LRP5: variants seen among roughly 807,000 people sequenced by gnomAD.
LRP5 encodes low-density lipoprotein receptor-related protein 5.
A neutral mutation model predicts 154.1 loss-of-function variants in LRP5; 62 were observed. That is an observed-to-expected ratio of 0.40 (90% CI 0.33 to 0.50). The LOEUF (loss-of-function observed/expected upper bound fraction) is 0.50, where lower values mean the gene tolerates loss of function less well. Among genes scored for constraint, LRP5 ranks in the 20% least tolerant of loss-of-function variants. The pLI is 0.55. For missense variants in LRP5, 1,915 were observed against 2,336.7 expected (o/e 0.82, Z 3.72); for synonymous variants, 966 against 1,011.5 (o/e 0.96, Z 0.85).
At position 68,417,803 on chromosome 11, in the gene LRP5, C is replaced by T. The variant is rs190919446; in HGVS notation, c.3027+1276C>T. ...TACAAAAATCAGCTGGGTGTGGTGG[C>T]GGGTGCCTGTAATCCCAGCTACTCA... is the stretch of plus-strand genomic sequence containing the variant. On this transcript the variant is annotated intron_variant, in intron 13 of 22. Transcript: ENST00000294304. Among the ~76,000 whole-genome samples, 1,350 of 151,254 alleles carry T rather than the reference C, an allele frequency of 8.9e-3. 22 individuals are homozygous for T. The highest frequency in any genetic ancestry group is 0.031 in the African/African-American group (1,280 of 41,228).
At chr11:68,331,399 C>T (rs1305454637) in intron 1 of LRP5, among the ~76,000 whole-genome samples, 2 of 152,198 alleles carry the variant, frequency 1.3e-5, no homozygotes. Context: ...CCAGGCCCTG[C>T]CCGGGAGCAC....
intron 2 of LRP5, among the ~76,000 whole-genome samples, chr11:68,354,038 C>T (rs1452622823): frequency 2.6e-5 from 4 of 152,176 alleles, no homozygotes; most frequent in African/African-American, 4.8e-5. Flanking sequence ...GAGGAGTCCC[C>T]GGCCTGTACC....
intron 16 of LRP5, among the ~76,000 whole-genome samples, chr11:68,426,662 A>G (rs1031118105): frequency 5.3e-5 from 8 of 152,078 alleles, no homozygotes; most frequent in South Asian, 4.1e-4. Context: ...GGCACAAGCT[A>G]TCTGCCTGCT....
rs2153182129 is a variant in LRP5, at chr11:68,439,931, C to CGGGGA, written c.4488+20_4488+24dup. On this transcript the variant is annotated intron_variant, in intron 21 of 22. Transcript: ENST00000294304. ...TGTACCCGCCGGTGAGGGGCGGGGC[C>CGGGGA]GGGGAGGGGCGGGGCGGGATGGGGC... 4 of 405,918 alleles carry CGGGGA rather than the reference C, an allele frequency of 9.9e-6. No individual in the cohort carries two copies. The highest frequency in any genetic ancestry group is 1.9e-5 in the Non-Finnish European group (4 of 213,322). 25.1% of individuals were successfully genotyped at this position (405,918 alleles called of 1,614,324 possible).
At chr11:68,326,680 A>G (rs1218105857) in intron 1 of LRP5, among the ~76,000 whole-genome samples, 1 of 152,218 alleles carries the variant, frequency 6.6e-6, no homozygotes, top group African/African-American at 2.4e-5. Context: ...GTGGCTCCCC[A>G]TCGCCTCTGG....
intron 11 of LRP5, among the ~76,000 whole-genome samples, chr11:68,411,996 T>C (rs2098659857): frequency 6.6e-6 from 1 of 152,056 alleles, no homozygotes; most frequent in African/African-American, 2.4e-5. Flanking sequence ...GCTGGTGAGT[T>C]CAGGATCCCC....
intron 13 of LRP5, among the ~76,000 whole-genome samples, chr11:68,419,118 C>G (rs554515556): frequency 1.3e-5 from 2 of 152,272 alleles, no homozygotes; most frequent in African/African-American, 2.4e-5. Context: ...CCCTGCTCCC[C>G]CAAAAGATGG....
chr11:68,407,996 T>C (rs376898470), intron 9 of LRP5, among the ~76,000 whole-genome samples: 1 of 152,198 alleles, frequency 6.6e-6, no homozygotes, highest in South Asian at 2.1e-4. Flanking sequence ...ACAGAAAAAG[T>C]GTGCTGACCT....
intron 5 of LRP5, among the ~76,000 whole-genome samples, chr11:68,372,907 G>C (rs1041585889): frequency 6.6e-6 from 1 of 152,092 alleles, no homozygotes; most frequent in East Asian, 1.9e-4. Flanking sequence ...AAGGTCAGGA[G>C]GGGGGCAGGG....
chr11:68,333,753 A>G (rs1279589094), intron 1 of LRP5, among the ~76,000 whole-genome samples: 1 of 152,254 alleles, frequency 6.6e-6, no homozygotes, highest in Non-Finnish European at 1.5e-5. Context: ...CAAGGCCTGT[A>G]TGCAAAACAT....
At chr11:68,339,473 G>T (rs2098607632) in intron 1 of LRP5, among the ~76,000 whole-genome samples, 4 of 151,948 alleles carry the variant, frequency 2.6e-5, no homozygotes, top group Admixed American at 2.6e-4. Flanking sequence ...TCAGCCTCCG[G>T]AGTAGCTGGT....
intron 21 of LRP5, among the ~76,000 whole-genome samples, chr11:68,443,565 ATATATATATATATATATATAT>A (rs1441540933): frequency 2.8e-5 from 1 of 35,640 alleles, no homozygotes; most frequent in African/African-American, 1.4e-4. Context: ...ATATATATAT[ATATATATATATATATATATAT>A]TTTTTTTTTT....
Position 68,436,877 on chromosome 11 carries a change from C to G in LRP5, c.4001-12C>G, listed in dbSNP as rs1565114906. 2 of 1,606,604 alleles carry G rather than the reference C, an allele frequency of 1.2e-6. No individual in the cohort carries two copies. Among genetic ancestry groups the G allele is most frequent in the Non-Finnish European group, 1.7e-6 (2 of 1,173,618 alleles). The stretch of plus-strand genomic sequence containing the variant: ...CCTCCAGCCTCTCTGAGTGCATGGC[C>G]TCTCCTTGCAGCCATCTGCCTGCCC... On this transcript the variant is annotated splice_polypyrimidine_tract_variant and intron_variant, in intron 18 of 22. Coordinates refer to ENST00000294304, the MANE Select transcript of LRP5 (RefSeq NM_002335.4).
intron 2 of LRP5, among the ~76,000 whole-genome samples, chr11:68,352,732 CTTGG>C (rs1337456632): frequency 8.1e-6 from 1 of 123,480 alleles, no homozygotes; most frequent in African/African-American, 3.2e-5. Context: ...GTGCTTGGCA[CTTGG>C]TTGGGAGGTG....
At chr11:68,443,544 CATATATATAT>C (rs1157048489) in intron 21 of LRP5, among the ~76,000 whole-genome samples, 247 of 22,308 alleles carry the variant, frequency 0.011, 6 homozygotes, top group African/African-American at 0.017. Context: ...TCTTTTATGG[CATATATATAT>C]ATATATATAT....
At chr11:68,341,119 C>T (rs1020489513) in intron 1 of LRP5, among the ~76,000 whole-genome samples, 8 of 136,182 alleles carry the variant, frequency 5.9e-5, no homozygotes, top group African/African-American at 8.4e-5. Context: ...GTGACTCAGA[C>T]GTTTTCCTTC....
chr11:68,344,559 A>T (rs314757), intron 1 of LRP5, among the ~76,000 whole-genome samples: 1 of 151,912 alleles, frequency 6.6e-6, no homozygotes, highest in Non-Finnish European at 1.5e-5. Flanking sequence ...GCCTTAAGTG[A>T]TCTGCCCGCC....
In LRP5 at chr11:68,413,900, CTGTA is replaced by C. The variant is rs1244761864; in HGVS notation, c.2718_2721del (p.Met907ThrfsTer52). On this transcript the variant is annotated frameshift_variant, in exon 12 of 23. Coordinates refer to ENST00000294304, the MANE Select transcript of LRP5 (RefSeq NM_002335.4). LOFTEE classifies it high-confidence loss of function. This position sits in a 1 kb window ranked among gnomAD's most constrained non-coding sequence, Gnocchi z 5.1. ...CCTCCCGCCAGGATGGCCTCAATGA[CTGTA>C]TGCACAACAACGGGCAGTGTGGGCA... 1.9e-6 allele frequency: 3 copies of C among 1,612,846 alleles called. No homozygotes were observed. Among genetic ancestry groups the C allele is most frequent in the Non-Finnish European group, 2.5e-6 (3 of 1,180,040 alleles).
chr11:68,321,395 A>G (rs2066011341), intron 1 of LRP5, among the ~76,000 whole-genome samples: 1 of 152,194 alleles, frequency 6.6e-6, no homozygotes. Flanking sequence ...GGTGAACTTC[A>G]GAGCCGTCCT....
Sources: allele counts gnomAD v4.1 joint callset (sites outside exome capture counted in the v4.1 genomes callset), GRCh38; gene constraint gnomAD v4.1.1; non-coding constraint Gnocchi (gnomAD v3.1); transcripts MANE v1.5; gene names NCBI Gene and HGNC (gene_info 2026-07-23, HGNC 2026-07-21).